COL3A1: variants seen among roughly 807,000 people sequenced by gnomAD.
COL3A1 encodes collagen type III alpha 1 chain.
A neutral mutation model predicts 200.9 loss-of-function variants in COL3A1; 46 were observed. That is an observed-to-expected ratio of 0.23 (90% CI 0.18 to 0.29). The LOEUF (loss-of-function observed/expected upper bound fraction) is 0.29. Among genes scored for constraint, COL3A1 ranks in the 10% least tolerant of loss-of-function variants. The pLI is 1.00. For missense variants in COL3A1, 1,367 were observed against 1,917.6 expected, an observed-to-expected ratio of 0.71 and a Z score of 5.36; for synonymous variants, 650 against 628.0, an observed-to-expected ratio of 1.03 and a Z score of -0.52.
intron 38 of COL3A1, 22 bp from the exon 39 acceptor site, chr2:189,003,960 A>C (rs1160149653): frequency 1.3e-6 from 2 of 1,587,552 alleles, no homozygotes; most frequent in Admixed American, 3.5e-5. Flanking sequence ...TAAATATTCA[A>C]ATTTCAAACA....
chr2:188,999,364 C>G lies in COL3A1; in HGVS notation c.2102C>G (p.Pro701Arg). 1 of 1,605,690 alleles carries G rather than the reference C, an allele frequency of 6.2e-7. No homozygotes were observed. The highest frequency in any genetic ancestry group is 1.1e-5 in the South Asian group (1 of 89,940). ...GGACTTAGAGGTGGAGCTGGTCCCC[C>G]TGGTCCCGAAGGAGGAAAGGTAACT... is the stretch of plus-strand genomic sequence containing the variant. ...APGLRGGAGPPGPEGGKGAAG... is the reference protein window; with the variant it reads ...APGLRGGAGPRGPEGGKGAAG... The change falls in exon 30 of 51, where the codon CCT (proline) becomes CGT (arginine). Residue 701 changes from proline to arginine, a missense_variant. By Grantham distance (103) the Pro-to-Arg change is moderately radical. Coordinates refer to ENST00000304636, the MANE Select transcript of COL3A1 (RefSeq NM_000090.4).
intron 41 of COL3A1, 91 bp downstream of exon 41, chr2:189,005,548 A>T: frequency 9.9e-7 from 1 of 1,010,914 alleles, no homozygotes; most frequent in South Asian, 1.3e-5. Context: ...TAAGAGTGTA[A>T]ATATGGCCAC....
chr2:188,982,558 G>A (rs1219824026), intron 1 of COL3A1, among the ~76,000 whole-genome samples: 1 of 151,766 alleles, frequency 6.6e-6, no homozygotes, highest in Non-Finnish European at 1.5e-5. Flanking sequence ...TCTTTAATAT[G>A]CCTTTAGTAT....
At chr2:188,984,474 C>T (rs566405499) in intron 1 of COL3A1, among the ~76,000 whole-genome samples, 3 of 152,040 alleles carry the variant, frequency 2.0e-5, no homozygotes, top group South Asian at 4.1e-4. Flanking sequence ...GTGTGATATA[C>T]ATTGATGTTA....
chr2:188,993,978 C>G, intron 16 of COL3A1, 60 bp from the exon 17 acceptor site: 1 of 1,528,242 alleles, frequency 6.5e-7, no homozygotes, highest in South Asian at 1.1e-5. Context: ...CAAACAACTT[C>G]AAATATATAC....
Position 189,004,316 on chromosome 2 carries a change from AC to A in COL3A1, c.2885del (p.Pro962GlnfsTer274). ...CTGGAGCACGGGGTCTTGCAGGACC[AC>A]CAGGCATGCCAGGTCCTAGGGGAAG... is the stretch of plus-strand genomic sequence containing the variant. ...ITGARGLAGP[P>X]GMPGPRGSPG... On this transcript the variant is annotated frameshift_variant, in exon 40 of 51. Transcript: ENST00000304636. LOFTEE classifies it high-confidence loss of function. 1.2e-6 allele frequency: 2 copies of A among 1,607,852 alleles called. No homozygotes were observed. Among genetic ancestry groups the A allele is most frequent in the South Asian group, 1.1e-5 (1 of 89,050 alleles).
At chr2:188,981,387 C>T (rs932040263) in intron 1 of COL3A1, among the ~76,000 whole-genome samples, 2 of 151,028 alleles carry the variant, frequency 1.3e-5, no homozygotes, top group African/African-American at 4.9e-5. Flanking sequence ...AATTGTACTT[C>T]GTAGTAAGGA....
chr2:189,001,295 A>T, intron 32 of COL3A1, 102 bp from the exon 33 acceptor site: 1 of 1,126,668 alleles, frequency 8.9e-7, no homozygotes, highest in Non-Finnish European at 1.3e-6. Flanking sequence ...AAAGTATGTT[A>T]TCTAGTTTAT....
chr2:188,974,777 TTAAGA>T (rs1197711712), intron 1 of COL3A1, among the ~76,000 whole-genome samples: 11 of 152,318 alleles, frequency 7.2e-5, no homozygotes, highest in African/African-American at 2.6e-4. Context: ...AGTTCTGTGG[TTAAGA>T]TAAGATGTTC....
At chr2:188,985,828 C>A (rs1688054835) in intron 4 of COL3A1, 50 bp downstream of exon 4, 1 of 1,211,756 alleles carries the variant, frequency 8.3e-7, no homozygotes, top group South Asian at 1.2e-5. Flanking sequence ...CTATCTAGTT[C>A]ATCTTCTTTC....
intron 5 of COL3A1, 26 bp from the exon 6 acceptor site, chr2:188,988,055 G>A (rs573025549): frequency 6.3e-7 from 1 of 1,577,198 alleles, no homozygotes; most frequent in Admixed American, 1.7e-5. Flanking sequence ...CATTTATTTT[G>A]TTTTTCATTC....
intron 40 of COL3A1, 127 bp downstream of exon 40, chr2:189,004,491 ATT>A: frequency 1.2e-6 from 1 of 839,154 alleles, no homozygotes; most frequent in Non-Finnish European, 1.9e-6. Flanking sequence ...ATTTTTTTTT[ATT>A]TTTAGATTTT....
chr2:188,999,199 G>A, intron 29 of COL3A1, 86 bp from the exon 30 acceptor site: 2 of 1,198,882 alleles, frequency 1.7e-6, no homozygotes, highest in Non-Finnish European at 2.4e-6. Context: ...ATAACCTAGT[G>A]GCCTGATTCA....
intron 44 of COL3A1, 94 bp downstream of exon 44, chr2:189,007,084 G>C: frequency 2.2e-6 from 1 of 446,894 alleles, no homozygotes; most frequent in Non-Finnish European, 3.7e-6. Context: ...GCGTGTTCAG[G>C]AAAAAAGAAT....
intron 4 of COL3A1, 61 bp from the exon 5 acceptor site, chr2:188,986,998 T>C: frequency 6.7e-7 from 1 of 1,490,542 alleles, no homozygotes; most frequent in Non-Finnish European, 9.4e-7. Flanking sequence ...TCTAAATGCT[T>C]TTTAAAAGAA....
rs538167794 is a variant in COL3A1 at position 188,987,927 on chromosome 2, C to A, written c.529-154C>A. The stretch of plus-strand genomic sequence containing the variant: ...AGTAATGTTTGCTTGCTAAGATCTT[C>A]ATTATAGATCTCATGAATAGTTATC... On this transcript the variant is annotated intron_variant, in intron 5 of 50. Coordinates refer to ENST00000304636, the MANE Select transcript of COL3A1 (RefSeq NM_000090.4). Among the ~76,000 whole-genome samples, 4 of 152,124 alleles carry A rather than the reference C, an allele frequency of 2.6e-5. No individual in the cohort carries two copies. The South Asian group carries it at 8.3e-4, about 32-fold the overall frequency.
chr2:188,987,151 TG>T lies in COL3A1; in HGVS notation c.528+13del, dbSNP rs1688080758. ...ATCCTGGACCAGCTGTACGTACAAA[TG>T]TTTCTCAGCATTTTGGAGCTTTATT... On this transcript the variant is annotated intron_variant, in intron 5 of 50. Coordinates refer to ENST00000304636, the MANE Select transcript of COL3A1 (RefSeq NM_000090.4). The T allele has an allele frequency of 6.2e-7, 1 of 1,605,018 alleles. No individual in the cohort carries two copies. Among genetic ancestry groups the T allele is most frequent in the African/African-American group, 1.3e-5 (1 of 74,696 alleles).
At chr2:189,003,915 A>C in intron 38 of COL3A1, 67 bp from the exon 39 acceptor site, 1 of 1,566,984 alleles carries the variant, frequency 6.4e-7, no homozygotes, top group Non-Finnish European at 8.7e-7. Context: ...ATTTGAAGTA[A>C]GTAAAAAAAG....
chr2:188,994,915 T>G lies in COL3A1; in HGVS notation c.1455+84T>G. 2 of 1,565,772 alleles carry G rather than the reference T, an allele frequency of 1.3e-6. No individual in the cohort carries two copies. The highest frequency in any genetic ancestry group is 4.5e-5 in the East Asian group (2 of 44,644). ...TACCTTCAGGGTGAGACAGCCAATTTTTCTTAAGTTGAGTGTTCAGTGAAA... is the reference window on the plus strand; with the variant it reads ...TACCTTCAGGGTGAGACAGCCAATTGTTCTTAAGTTGAGTGTTCAGTGAAA... On this transcript the variant is annotated intron_variant, in intron 20 of 50. Transcript: ENST00000304636. This position sits in a 1 kb window ranked among gnomAD's most constrained non-coding sequence, Gnocchi z 4.5.
Sources: allele counts gnomAD v4.1 joint callset (sites outside exome capture counted in the v4.1 genomes callset), GRCh38; gene constraint gnomAD v4.1.1; non-coding constraint Gnocchi (gnomAD v3.1); transcripts MANE v1.5; gene names NCBI Gene and HGNC (gene_info 2026-07-23, HGNC 2026-07-21).